CRTAC1: variants seen among roughly 807,000 people sequenced by gnomAD.
The protein encoded by CRTAC1 is cartilage acidic protein 1, also known as acidic secreted protein in cartilage.
CRTAC1 carries 37 observed loss-of-function variants against 67.8 expected under a neutral mutation model. The observed-to-expected ratio is 0.55, with a 90% CI of 0.42 to 0.72. CRTAC1 has a LOEUF of 0.72. CRTAC1 is among the 30% of genes least tolerant of loss of function. The pLI, the probability that CRTAC1 is intolerant of heterozygous loss-of-function variation, is 0.00. For synonymous variants in CRTAC1, 348 were observed against 371.0 expected, an observed-to-expected ratio of 0.94 and a Z score of 0.71; for missense variants, 780 against 931.6, an observed-to-expected ratio of 0.84 and a Z score of 2.12.
At chr10:97,874,912 T>A (rs1317509130) in intron 14 of CRTAC1, among the ~76,000 whole-genome samples, 1 of 152,180 alleles carries the variant, frequency 6.6e-6, no homozygotes. Context: ...CGTATCATGC[T>A]CCAACATGCT....
chr10:97,897,106 A>G, intron 8 of CRTAC1, 115 bp from the exon 9 acceptor site: 1 of 655,308 alleles, frequency 1.5e-6, no homozygotes, highest in Non-Finnish European at 2.6e-6. Flanking sequence ...TGCATGGGCT[A>G]CCACCTGGCT....
chr10:97,979,169 G>C (rs1055791788), intron 2 of CRTAC1, among the ~76,000 whole-genome samples: 9 of 152,154 alleles, frequency 5.9e-5, no homozygotes, highest in Admixed American at 5.2e-4. Flanking sequence ...GAAGCAGGGC[G>C]GGGCTCATAC....
At chr10:98,015,861 C>T (rs1053490562) in intron 1 of CRTAC1, among the ~76,000 whole-genome samples, 4 of 152,158 alleles carry the variant, frequency 2.6e-5, no homozygotes, top group South Asian at 2.1e-4. Flanking sequence ...AACTACACAT[C>T]GAATACCAGG....
intron 14 of CRTAC1, among the ~76,000 whole-genome samples, chr10:97,878,007 C>T (rs2050166888): frequency 6.6e-6 from 1 of 152,232 alleles, no homozygotes; most frequent in South Asian, 2.1e-4. Flanking sequence ...TTGGGTTTTA[C>T]TTATCTCACT....
intron 2 of CRTAC1, among the ~76,000 whole-genome samples, chr10:97,939,728 C>A (rs2051144293): frequency 6.6e-6 from 1 of 152,154 alleles, no homozygotes; most frequent in South Asian, 2.1e-4. Context: ...GTGTGCTCTG[C>A]CCTTTCCAGC....
intron 11 of CRTAC1, among the ~76,000 whole-genome samples, chr10:97,890,090 T>TACACAC (rs56001448): frequency 0.019 from 2,801 of 150,274 alleles, 42 homozygotes; most frequent in South Asian, 0.045. Flanking sequence ...CCAGGATGTG[T>TACACAC]ACACACACAC....
intron 2 of CRTAC1, among the ~76,000 whole-genome samples, chr10:97,986,176 G>C (rs1020439361): frequency 1.3e-5 from 2 of 152,204 alleles, no homozygotes; most frequent in African/African-American, 4.8e-5. Context: ...AATGCACCAA[G>C]GGCAGGGACT....
chr10:97,971,200 T>C (rs1426843828), intron 2 of CRTAC1, among the ~76,000 whole-genome samples: 1 of 152,262 alleles, frequency 6.6e-6, no homozygotes, highest in East Asian at 1.9e-4. Flanking sequence ...TTTTCATACC[T>C]TTTGATTGAT....
intron 1 of CRTAC1, among the ~76,000 whole-genome samples, chr10:98,016,933 A>T (rs1843009502): frequency 6.6e-6 from 1 of 152,112 alleles, no homozygotes; most frequent in Non-Finnish European, 1.5e-5. Context: ...CACTGCCTGA[A>T]ACAGAAGAGC....
intron 2 of CRTAC1, among the ~76,000 whole-genome samples, chr10:97,991,902 C>T (rs1842467107): frequency 6.6e-6 from 1 of 152,180 alleles, no homozygotes; most frequent in African/African-American, 2.4e-5. Context: ...CTATCTCTTG[C>T]TTTTTGACAT....
rs1372151215 is a variant in CRTAC1 at position 97,967,009 on chromosome 10, C to A, written c.225-30643G>T. On this transcript the variant is annotated intron_variant, in intron 2 of 14. Coordinates refer to ENST00000370597, the MANE Select transcript of CRTAC1 (RefSeq NM_018058.7). ...TGTAAAGTCACCCCCCCCCCCCCGA[C>A]ATCCTACATGCTTCAGAAGGAAGTC... 5.7e-5 allele frequency among the ~76,000 whole-genome samples: 8 copies of A among 140,456 alleles called. No individual in the cohort carries two copies. The South Asian group carries it at 9.9e-4, about 17-fold the overall frequency. 92.1% of individuals were successfully genotyped at this position (140,456 alleles called of 152,430 possible).
In CRTAC1 at chr10:97,865,484, A is replaced by T; in HGVS notation, c.*64T>A. 6.5e-7 allele frequency: 1 copy of T among 1,548,234 alleles called. No individual in the cohort carries two copies. Among genetic ancestry groups the T allele is most frequent in the Non-Finnish European group, 8.8e-7 (1 of 1,140,432 alleles). Reference sequence around the variant, plus strand: ...TTTACATCCCTACTGTCTAGGCAGCAGCACAAGCCCACTTTCCCACTCCCC... The same window carrying T: ...TTTACATCCCTACTGTCTAGGCAGCTGCACAAGCCCACTTTCCCACTCCCC... On this transcript the variant is annotated 3_prime_UTR_variant, in exon 15 of 15. Coordinates refer to ENST00000370597, the MANE Select transcript of CRTAC1 (RefSeq NM_018058.7).
At position 97,865,368 on chromosome 10, in the gene CRTAC1, G is replaced by T; in HGVS notation, c.*180C>A. ...CTGTCTGCTGTGATCACAGCTATGTGCCCAGCACAGGGCCTGGCCTTACGA... is the reference window on the plus strand; with the variant it reads ...CTGTCTGCTGTGATCACAGCTATGTTCCCAGCACAGGGCCTGGCCTTACGA... On this transcript the variant is annotated 3_prime_UTR_variant, in exon 15 of 15. Coordinates refer to ENST00000370597, the MANE Select transcript of CRTAC1 (RefSeq NM_018058.7). The T allele has an allele frequency of 1.4e-6, 1 of 691,270 alleles. No homozygotes were observed. The highest frequency in any genetic ancestry group is 2.3e-6 in the Non-Finnish European group (1 of 440,754). 42.8% of individuals were successfully genotyped at this position (691,270 alleles called of 1,614,324 possible). A position where few individuals can be genotyped will look rare whatever the true frequency, so the allele number is the denominator to read the frequency against.
chr10:97,887,994 C>T (rs2050311781), intron 11 of CRTAC1, among the ~76,000 whole-genome samples: 1 of 152,258 alleles, frequency 6.6e-6, no homozygotes, highest in South Asian at 2.1e-4. Context: ...GTTATCATTT[C>T]TGCCTTAGAG....
Position 98,011,196 on chromosome 10 carries a change from A to G in CRTAC1, c.166T>C (p.Tyr56His). 3 of 1,614,184 alleles carry G rather than the reference A, an allele frequency of 1.9e-6. No homozygotes were observed. The highest frequency in any genetic ancestry group is 2.5e-6 in the Non-Finnish European group (3 of 1,180,032). ...DYDSNPTQLNYGVAVTDVDHD... is the reference protein window; with the variant it reads ...DYDSNPTQLNHGVAVTDVDHD... ...TCCACATCAGTAACTGCCACACCAT[A>G]GTTGAGCTGGGTGGGATTACTGTCA... The change falls in exon 2 of 15, where the codon TAT (tyrosine) becomes CAT (histidine). Residue 56 changes from tyrosine to histidine, a missense_variant. By Grantham distance (83) the Tyr-to-His change is moderately conservative. Transcript: ENST00000370597.
chr10:97,923,860 CTGGTTCAT>C (rs938740047), intron 3 of CRTAC1, among the ~76,000 whole-genome samples: 2 of 152,138 alleles, frequency 1.3e-5, no homozygotes, highest in Non-Finnish European at 2.9e-5. Context: ...AGAAATGGTT[CTGGTTCAT>C]GGGTAGGTCT....
intron 3 of CRTAC1, among the ~76,000 whole-genome samples, chr10:97,926,639 A>G (rs1253187340): frequency 6.6e-6 from 1 of 152,230 alleles, no homozygotes; most frequent in East Asian, 1.9e-4. Flanking sequence ...AGTGAATTAT[A>G]TGAATATTCA....
At chr10:97,936,447 GAGTCCTCCCGGA>G in intron 2 of CRTAC1, 81 bp from the exon 3 acceptor site, 1 of 1,193,978 alleles carries the variant, frequency 8.4e-7, no homozygotes, top group South Asian at 1.5e-5. Flanking sequence ...AACGGGCTGG[GAGTCCTCCCGGA>G]CACGCCATGG....
intron 2 of CRTAC1, among the ~76,000 whole-genome samples, chr10:98,008,948 G>A (rs1179549397): frequency 6.6e-6 from 1 of 152,144 alleles, no homozygotes; most frequent in African/African-American, 2.4e-5. Flanking sequence ...TTTAACCAGA[G>A]ATTCTGGCAG....
Sources: gnomAD v4.1 joint callset for allele counts (sites outside exome capture counted in the v4.1 genomes callset) on GRCh38, gnomAD v4.1.1 for gene constraint, MANE v1.5 for transcripts, NCBI Gene and HGNC (gene_info 2026-07-23, HGNC 2026-07-21) for gene names.